The following PACRGL variants were observed in gnomAD, a reference collection of about 807,000 sequenced individuals.
The protein encoded by PACRGL is parkin coregulated like.
PACRGL carries 38 observed loss-of-function variants against 34.5 expected under a neutral mutation model. The ratio of observed to expected loss-of-function variants is 1.10; its 90% confidence interval spans 0.85 to 1.44. PACRGL has a LOEUF of 1.44. Among genes scored for constraint, PACRGL ranks in the 40% most tolerant of loss-of-function variants. The pLI, the probability that PACRGL is intolerant of heterozygous loss-of-function variation, is 0.00. For synonymous variants in PACRGL, 128 were observed against 100.1 expected (o/e 1.28, Z -1.66); for missense variants, 305 against 281.4 (o/e 1.08, Z -0.60).
At chr4:20,754,064 A>G (rs1033456735), downstream of PACRGL, among the ~76,000 whole-genome samples, 1 of 152,178 alleles carries the variant, frequency 6.6e-6, no homozygotes, top group Non-Finnish European at 1.5e-5. Flanking sequence ...AAGCTTACAC[A>G]CTAAAGCTTC....
At chr4:20,712,651 C>G (rs1237701132) in intron 5 of PACRGL, 137 bp from the exon 6 acceptor site, 2 of 830,232 alleles carry the variant, frequency 2.4e-6, no homozygotes, top group African/African-American at 1.8e-5. Context: ...GAAATTGTAA[C>G]TACTGAAATT....
chr4:20,727,419 T>A lies in PACRGL; in HGVS notation c.*78T>A, dbSNP rs1293548632. ...AACTGTGGGTACTCATTTATTTTAT[T>A]CTTTTGTAAATCACAGCCACCATTC... On this transcript the variant is annotated 3_prime_UTR_variant, in exon 9 of 9. Coordinates refer to ENST00000503585, the MANE Select transcript of PACRGL (RefSeq NM_001258345.3). 8.1e-7 allele frequency: 1 copy of A among 1,230,988 alleles called. No individual in the cohort carries two copies. The highest frequency in any genetic ancestry group is 1.2e-6 in the Non-Finnish European group (1 of 842,380). 76.3% of individuals were successfully genotyped at this position (1,230,988 alleles called of 1,614,324 possible).
Position 20,727,464 on chromosome 4 carries a change from T to G in PACRGL, c.*123T>G, listed in dbSNP as rs546316258. The G allele has an allele frequency of 7.4e-5, 54 of 728,822 alleles. No homozygotes were observed. In the African/African-American group the frequency reaches 8.9e-4, roughly 12 times the overall value. 45.1% of individuals were successfully genotyped at this position (728,822 alleles called of 1,614,324 possible). On this transcript the variant is annotated 3_prime_UTR_variant, in exon 9 of 9. Transcript: ENST00000503585. The stretch of plus-strand genomic sequence containing the variant: ...CCATTCATTATTTACTAGGTTAAGA[T>G]GAATAGACACTGAATCAAAGTTATT...
chr4:20,735,910 G>A (rs1017842226), downstream of PACRGL, among the ~76,000 whole-genome samples: 7 of 152,138 alleles, frequency 4.6e-5, no homozygotes, highest in East Asian at 1.3e-3. Context: ...CTTTTAGGTA[G>A]GAATGAAAGC....
chr4:20,749,155 CAAAA>C (rs1553888859), intron 8 of PACRGL, among the ~76,000 whole-genome samples: 5 of 128,990 alleles, frequency 3.9e-5, no homozygotes, highest in South Asian at 2.5e-4. Flanking sequence ...GAGACTCTTT[CAAAA>C]AAAAAAAAAA....
chr4:20,736,995 AC>A (rs2149284251), downstream of PACRGL, among the ~76,000 whole-genome samples: 1 of 152,326 alleles, frequency 6.6e-6, no homozygotes, highest in Admixed American at 6.5e-5. Context: ...CTAGATATAA[AC>A]CAGCTGTCTG....
intron 8 of PACRGL, among the ~76,000 whole-genome samples, chr4:20,748,591 T>TATATATATTTTCC (rs1752927005): frequency 9.8e-6 from 1 of 102,404 alleles, no homozygotes; most frequent in Admixed American, 9.8e-5. Context: ...TATATATATA[T>TATATATATTTTCC]ATATATATAT....
intron 6 of PACRGL, chr4:20,713,153 G>A: frequency 1.9e-6 from 1 of 539,690 alleles, no homozygotes; most frequent in Middle Eastern, 5.0e-4. Flanking sequence ...GACATTTTAA[G>A]TAATTAGAGG....
At chr4:20,748,593 TA>T (rs1203435415) in intron 8 of PACRGL, among the ~76,000 whole-genome samples, 1,588 of 107,480 alleles carry the variant, frequency 0.015, 13 homozygotes, top group Non-Finnish European at 0.024. Context: ...TATATATATA[TA>T]TATATATATA....
chr4:20,763,921 C>A, the PACRGL span, among the ~76,000 whole-genome samples: 2 of 152,056 alleles, frequency 1.3e-5, no homozygotes, highest in African/African-American at 4.8e-5. Context: ...TCCCAGGTGT[C>A]ATTTTTAAAG....
the PACRGL span, among the ~76,000 whole-genome samples, chr4:20,761,057 A>G: frequency 1.3e-5 from 2 of 152,274 alleles, no homozygotes; most frequent in African/African-American, 2.4e-5. Context: ...GCCCTCCACA[A>G]TGTGAGGGGG....
At chr4:20,724,233 G>A (rs559616108) in intron 7 of PACRGL, among the ~76,000 whole-genome samples, 5 of 152,268 alleles carry the variant, frequency 3.3e-5, no homozygotes, top group Admixed American at 6.5e-5. Context: ...TAAGTATGGC[G>A]TGAGACCCAA....
At chr4:20,699,637 T>A (rs1252860023), upstream of PACRGL, among the ~76,000 whole-genome samples, 1 of 152,010 alleles carries the variant, frequency 6.6e-6, no homozygotes, top group African/African-American at 2.4e-5. Flanking sequence ...CAATGCCAAT[T>A]TAGTGTTACC....
chr4:20,700,071 G>C (rs1731562172), upstream of PACRGL, among the ~76,000 whole-genome samples: 1 of 152,160 alleles, frequency 6.6e-6, no homozygotes, highest in Admixed American at 6.5e-5. Flanking sequence ...GAAGACTCGG[G>C]GGGAGGAGTT....
intron 7 of PACRGL, among the ~76,000 whole-genome samples, chr4:20,721,553 C>G (rs1375711329): frequency 6.6e-6 from 1 of 152,162 alleles, no homozygotes; most frequent in African/African-American, 2.4e-5. Context: ...AGTTGGGACG[C>G]TCAGCTGCAG....
chr4:20,725,245 C>A (rs1344366684), intron 8 of PACRGL, among the ~76,000 whole-genome samples: 1 of 152,064 alleles, frequency 6.6e-6, no homozygotes, highest in Non-Finnish European at 1.5e-5. Context: ...TAACTTAGCT[C>A]TTTGAGGAAA....
chr4:20,738,889 C>T (rs1411403246), intron 8 of PACRGL, among the ~76,000 whole-genome samples: 2 of 152,132 alleles, frequency 1.3e-5, no homozygotes, highest in Non-Finnish European at 2.9e-5. Context: ...CACTTCCTGC[C>T]AATATTGTGC....
intron 7 of PACRGL, 112 bp from the exon 8 acceptor site, chr4:20,724,696 A>G: frequency 2.1e-6 from 1 of 481,088 alleles, no homozygotes. Flanking sequence ...ATGCTTCCTA[A>G]AAAAAGCCTT....
At chr4:20,764,240 T>C in the PACRGL span, among the ~76,000 whole-genome samples, 1 of 151,908 alleles carries the variant, frequency 6.6e-6, no homozygotes, top group Admixed American at 6.6e-5. Context: ...ACTGTAAGAG[T>C]ATATTGGTCA....
Sources: gnomAD v4.1 joint callset for allele counts (sites outside exome capture counted in the v4.1 genomes callset) on GRCh38, gnomAD v4.1.1 for gene constraint, MANE v1.5 for transcripts, NCBI Gene and HGNC (gene_info 2026-07-23, HGNC 2026-07-21) for gene names.